The following KCNIP3 variants were observed in gnomAD, a reference collection of about 807,000 sequenced individuals.
KCNIP3 encodes calsenilin.
In KCNIP3, 28 loss-of-function variants were observed where a neutral mutation model predicts 35.0. The observed-to-expected ratio is 0.80, with a 90% CI of 0.59 to 1.10. The LOEUF is 1.10. Among genes scored for constraint, KCNIP3 ranks in the 50% least tolerant of loss-of-function variants. KCNIP3 has a pLI of 0.00. For synonymous variants in KCNIP3, 134 were observed against 133.8 expected, an observed-to-expected ratio of 1.00 and a Z score of -0.01; for missense variants, 295 against 338.4, an observed-to-expected ratio of 0.87 and a Z score of 1.01.
At chr2:95,320,671 C>T (rs1343416045) in intron 2 of KCNIP3, among the ~76,000 whole-genome samples, 1 of 152,094 alleles carries the variant, frequency 6.6e-6, no homozygotes, top group Non-Finnish European at 1.5e-5. Context: ...CGGCCACTGG[C>T]CAGTGTAGCC....
chr2:95,375,671 T>C (rs1189803026), intron 5 of KCNIP3, among the ~76,000 whole-genome samples: 1 of 152,178 alleles, frequency 6.6e-6, no homozygotes, highest in Non-Finnish European at 1.5e-5. Flanking sequence ...TCATCCCAGC[T>C]GGGCACTGAG....
At chr2:95,306,119 G>A (rs1678159923) in intron 1 of KCNIP3, among the ~76,000 whole-genome samples, 1 of 152,156 alleles carries the variant, frequency 6.6e-6, no homozygotes, top group South Asian at 2.1e-4. Context: ...GACAATGGAG[G>A]GGTGATTCCG....
intron 2 of KCNIP3, among the ~76,000 whole-genome samples, chr2:95,326,288 C>T (rs1372609583): frequency 6.6e-6 from 1 of 151,944 alleles, no homozygotes; most frequent in African/African-American, 2.4e-5. Flanking sequence ...TACACATACA[C>T]ACTCATTACA....
intron 2 of KCNIP3, among the ~76,000 whole-genome samples, chr2:95,336,301 A>G (rs1558766976): frequency 6.6e-6 from 1 of 152,186 alleles, no homozygotes; most frequent in Admixed American, 6.5e-5. Context: ...AGCTTCCACA[A>G]CTATACAAAG....
chr2:95,381,013 CAAA>C (rs147018018), intron 5 of KCNIP3, among the ~76,000 whole-genome samples: 1,707 of 152,252 alleles, frequency 0.011, 12 homozygotes, highest in Non-Finnish European at 0.017. Flanking sequence ...CAACAACAAA[CAAA>C]AAGCTGAGCA....
Position 95,382,331 on chromosome 2 carries a change from A to C in KCNIP3, c.556-46A>C. ...CCGCCCGCTCCCTTTGGGCCCTCAC[A>C]GCCACCCCGGCCTTGCAGCAGGCTC... On this transcript the variant is annotated intron_variant, in intron 6 of 8. Transcript: ENST00000295225. This position sits in a 1 kb window ranked among gnomAD's most constrained non-coding sequence, Gnocchi z 4.5. 3 of 1,378,246 alleles carry C rather than the reference A, an allele frequency of 2.2e-6. No homozygotes were observed. The highest frequency in any genetic ancestry group is 2.0e-6 in the Non-Finnish European group (2 of 1,011,244). 85.4% of individuals were successfully genotyped at this position (1,378,246 alleles called of 1,614,324 possible).
intron 2 of KCNIP3, among the ~76,000 whole-genome samples, chr2:95,334,204 C>T (rs1347758838): frequency 3.3e-5 from 5 of 152,326 alleles, no homozygotes; most frequent in South Asian, 2.1e-4. Flanking sequence ...CTGAGTTGGC[C>T]GGCCGTGCTT....
intron 1 of KCNIP3, among the ~76,000 whole-genome samples, chr2:95,299,283 C>T (rs921756306): frequency 5.3e-5 from 8 of 152,184 alleles, no homozygotes; most frequent in Non-Finnish European, 1.2e-4. Flanking sequence ...CCAGCAGAGA[C>T]AGTGGTCCTA....
At chr2:95,358,248 A>G (rs1296881377) in intron 2 of KCNIP3, among the ~76,000 whole-genome samples, 2 of 152,166 alleles carry the variant, frequency 1.3e-5, no homozygotes, top group Admixed American at 1.3e-4. Context: ...GGCTTCACCC[A>G]TGGGGTGGCG....
intron 2 of KCNIP3, among the ~76,000 whole-genome samples, chr2:95,334,323 T>C (rs1679004811): frequency 6.6e-6 from 1 of 152,210 alleles, no homozygotes; most frequent in Admixed American, 6.5e-5. Context: ...CACACTTGCA[T>C]GGGCATGTGT....
At chr2:95,325,680 C>T (rs1409284402) in intron 2 of KCNIP3, among the ~76,000 whole-genome samples, 2 of 151,706 alleles carry the variant, frequency 1.3e-5, no homozygotes, top group Non-Finnish European at 1.5e-5. Context: ...CACATACACA[C>T]TCATACACAT....
chr2:95,347,280 A>G (rs1300089290), intron 2 of KCNIP3, among the ~76,000 whole-genome samples: 3 of 152,152 alleles, frequency 2.0e-5, no homozygotes, highest in African/African-American at 7.2e-5. Flanking sequence ...GGGACTAAGG[A>G]GACGTAGTCC....
intron 2 of KCNIP3, among the ~76,000 whole-genome samples, chr2:95,364,230 G>A (rs1390752046): frequency 2.6e-5 from 4 of 151,948 alleles, no homozygotes; most frequent in Non-Finnish European, 5.9e-5. Context: ...TTTGGTCATC[G>A]TTTATTTTAA....
rs776857781 is a variant in KCNIP3 at position 95,383,967 on chromosome 2, AGC to A, written c.724-34_724-33del. 1.9e-6 allele frequency: 3 copies of A among 1,605,808 alleles called. No homozygotes were observed. The African/African-American group carries it at 4.0e-5, about 21-fold the overall frequency. On this transcript the variant is annotated intron_variant, in intron 8 of 8. Transcript: ENST00000295225. ...AGGGGGTCGGATTTGGAGCCCACCC[AGC>A]ACCTGAAGGCCTCCCTTCCTCTCTC... is the stretch of plus-strand genomic sequence containing the variant.
At chr2:95,359,873 G>T (rs1272601764) in intron 2 of KCNIP3, among the ~76,000 whole-genome samples, 2 of 152,260 alleles carry the variant, frequency 1.3e-5, no homozygotes, top group Non-Finnish European at 2.9e-5. Flanking sequence ...GGAATGTGAG[G>T]AGCAGAGTCC....
At chr2:95,374,083 C>G (rs1375001748) in intron 2 of KCNIP3, among the ~76,000 whole-genome samples, 6 of 152,242 alleles carry the variant, frequency 3.9e-5, no homozygotes, top group African/African-American at 1.4e-4. Context: ...GGAGGCCCGC[C>G]CTGTGGGGGG....
chr2:95,329,643 G>A (rs980669067), intron 2 of KCNIP3, among the ~76,000 whole-genome samples: 5 of 152,228 alleles, frequency 3.3e-5, no homozygotes, highest in African/African-American at 4.8e-5. Flanking sequence ...TGCCGGGAGT[G>A]GGGGGACCCG....
Position 95,371,806 on chromosome 2 carries a change from CT to C in KCNIP3, c.182-2474del, listed in dbSNP as rs71831118. Among the ~76,000 whole-genome samples the C allele has an allele frequency of 7.3e-3, 996 of 136,284 alleles. 9 individuals carry two copies. Among genetic ancestry groups the C allele is most frequent in the African/African-American group, 0.02 (735 of 37,346 alleles). The allele number at this position is 136,284 out of a possible 152,430, so 89.4% of individuals were successfully genotyped here. On this transcript the variant is annotated intron_variant, in intron 2 of 8. Coordinates refer to ENST00000295225, the MANE Select transcript of KCNIP3 (RefSeq NM_013434.5). Reference sequence around the variant, plus strand: ...GTTTTTCCATTCTTTTATTTTAAATCTTTTTTTTTTTTTTTTGAGATGGAGT... The same window carrying C: ...GTTTTTCCATTCTTTTATTTTAAATCTTTTTTTTTTTTTTTGAGATGGAGT...
intron 2 of KCNIP3, among the ~76,000 whole-genome samples, chr2:95,326,148 C>A (rs915414196): frequency 6.6e-6 from 1 of 151,884 alleles, no homozygotes; most frequent in Admixed American, 6.6e-5. Flanking sequence ...GACACACATA[C>A]ACTTATATAC....
Sources: allele counts gnomAD v4.1 joint callset (sites outside exome capture counted in the v4.1 genomes callset), GRCh38; gene constraint gnomAD v4.1.1; non-coding constraint Gnocchi (gnomAD v3.1); transcripts MANE v1.5; gene names NCBI Gene and HGNC (gene_info 2026-07-23, HGNC 2026-07-21).